The following INTS7 variants were observed in gnomAD, a reference collection of about 807,000 sequenced individuals.
INTS7 encodes the protein integrator complex subunit 7.
Under a neutral mutation model 109.2 loss-of-function variants are expected in INTS7, and 46 were observed. That is an observed-to-expected ratio of 0.42 (90% CI 0.33 to 0.54). INTS7 has a LOEUF of 0.54. Among genes scored for constraint, INTS7 ranks in the 20% least tolerant of loss-of-function variants. The pLI is 0.07. For missense variants in INTS7, 929 were observed against 1,132.4 expected, an observed-to-expected ratio of 0.82 and a Z score of 2.58; for synonymous variants, 412 against 402.9, an observed-to-expected ratio of 1.02 and a Z score of -0.27.
intron 16 of INTS7, among the ~76,000 whole-genome samples, chr1:211,955,710 A>C (rs1411559426): frequency 6.6e-6 from 1 of 152,216 alleles, no homozygotes; most frequent in East Asian, 1.9e-4. Flanking sequence ...TTTTACATAT[A>C]TTAGTTCATT....
Position 211,959,919 on chromosome 1 carries a change from A to T in INTS7, c.2183+6511T>A, listed in dbSNP as rs1405719295. Among the ~76,000 whole-genome samples the T allele has an allele frequency of 1.3e-5, 2 of 152,214 alleles. No homozygotes were observed. The highest frequency in any genetic ancestry group is 2.9e-5 in the Non-Finnish European group (2 of 68,040). ...TGTGAAGGCCCACACAAAGGCCGGCATCCCAGACCTGCTAGTATCCTGCCG... is the reference window on the plus strand; with the variant it reads ...TGTGAAGGCCCACACAAAGGCCGGCTTCCCAGACCTGCTAGTATCCTGCCG... On this transcript the variant is annotated intron_variant, in intron 16 of 19. Coordinates refer to ENST00000366994, the MANE Select transcript of INTS7 (RefSeq NM_015434.4). This position sits in a 1 kb window ranked among gnomAD's most constrained non-coding sequence, Gnocchi z 4.2.
chr1:211,960,225 T>C (rs1347952082), intron 16 of INTS7, among the ~76,000 whole-genome samples: 1 of 151,848 alleles, frequency 6.6e-6, no homozygotes, highest in Non-Finnish European at 1.5e-5. Flanking sequence ...CTTCTGGAAA[T>C]GAAGCCAGTT....
intron 13 of INTS7, among the ~76,000 whole-genome samples, chr1:211,973,285 A>G (rs1417128270): frequency 1.3e-5 from 2 of 152,246 alleles, no homozygotes; most frequent in East Asian, 3.8e-4. Context: ...CTGTGAAATA[A>G]TAAATAGGTA....
At chr1:211,971,558 T>C (rs1186593274) in intron 13 of INTS7, among the ~76,000 whole-genome samples, 2 of 152,138 alleles carry the variant, frequency 1.3e-5, no homozygotes, top group Admixed American at 6.5e-5. Flanking sequence ...CCTTTTTACA[T>C]AAAATTCAAA....
intron 12 of INTS7, among the ~76,000 whole-genome samples, chr1:211,975,638 C>T (rs1383704016): frequency 6.6e-6 from 1 of 152,152 alleles, no homozygotes; most frequent in Non-Finnish European, 1.5e-5. Context: ...CAACTATAAA[C>T]CAAGTCTAGA....
Position 212,020,136 on chromosome 1 carries a change from T to A in INTS7, c.357A>T (p.Arg119Ser). The stretch of plus-strand genomic sequence containing the variant: ...ACGGTATATACCGGAGGGTGATGGC[T>A]CTTGCCACAGGATCATTACTATGAA... The part of the protein sequence containing the change: ...SVIHSNDPVA[R>S]AITLRMLGSL... Residue 119 changes from arginine to serine, a missense_variant, in exon 3 of 20, where the codon AGA (arginine) becomes AGT (serine). Physicochemically the swap from Arg to Ser is moderately radical, Grantham distance 110. Transcript: ENST00000366994. 6.2e-7 allele frequency: 1 copy of A among 1,603,360 alleles called. No individual in the cohort carries two copies. The highest frequency in any genetic ancestry group is 8.5e-7 in the Non-Finnish European group (1 of 1,174,698).
chr1:211,978,186 A>C, intron 11 of INTS7, 86 bp downstream of exon 11: 1 of 1,473,664 alleles, frequency 6.8e-7, no homozygotes, highest in Non-Finnish European at 9.4e-7. Flanking sequence ...TTTTTAAGTA[A>C]AGTCAAATAG....
intron 16 of INTS7, among the ~76,000 whole-genome samples, chr1:211,961,931 A>C (rs539910176): frequency 2.8e-4 from 43 of 152,320 alleles, no homozygotes; most frequent in African/African-American, 9.6e-4. Context: ...AACATACTTA[A>C]GTACACAGAC....
intron 17 of INTS7, among the ~76,000 whole-genome samples, chr1:211,949,134 C>T (rs1558021237): frequency 6.6e-6 from 1 of 152,292 alleles, no homozygotes; most frequent in East Asian, 1.9e-4. Context: ...ATTTCTGATT[C>T]TTCCTTTTGC....
chr1:211,964,398 A>C (rs760779562), intron 16 of INTS7, among the ~76,000 whole-genome samples: 1 of 152,224 alleles, frequency 6.6e-6, no homozygotes, highest in Non-Finnish European at 1.5e-5. Flanking sequence ...ATACTGCCCA[A>C]AGCAACGTAT....
chr1:211,966,420 T>C lies in INTS7; in HGVS notation c.2183+10A>G, dbSNP rs535086954. ...TCTGTAACGCCAACTATTATTAATATTAGAATTACCTTGCTGATTCTGGAT... is the reference window on the plus strand; with the variant it reads ...TCTGTAACGCCAACTATTATTAATACTAGAATTACCTTGCTGATTCTGGAT... On this transcript the variant is annotated intron_variant, in intron 16 of 19. Transcript: ENST00000366994. 1.9e-4 allele frequency: 281 copies of C among 1,480,636 alleles called. 1 individual carries two copies. In the South Asian group the frequency reaches 2.9e-3, roughly 15 times the overall value. The allele number at this position is 1,480,636 out of a possible 1,614,324, so 91.7% of individuals were successfully genotyped here. A position where few individuals can be genotyped will look rare whatever the true frequency, so the allele number is the denominator to read the frequency against.
At chr1:212,002,558 G>C (rs1490282294) in intron 7 of INTS7, among the ~76,000 whole-genome samples, 3 of 152,172 alleles carry the variant, frequency 2.0e-5, no homozygotes, top group East Asian at 1.9e-4. Flanking sequence ...TCACACTCAT[G>C]AATGTTCTCA....
intron 10 of INTS7, among the ~76,000 whole-genome samples, chr1:211,979,983 T>C (rs1391134638): frequency 2.0e-5 from 3 of 152,196 alleles, no homozygotes; most frequent in Non-Finnish European, 4.4e-5. Flanking sequence ...CTATTCTAGA[T>C]GGGAAGCTCC....
intron 13 of INTS7, 66 bp from the exon 14 acceptor site, chr1:211,968,773 C>A: frequency 7.9e-7 from 1 of 1,272,360 alleles, no homozygotes. Flanking sequence ...GGGGCAGTAC[C>A]AAGTATTTAT....
chr1:211,986,466 T>C (rs1380437607), intron 8 of INTS7, among the ~76,000 whole-genome samples: 1 of 152,010 alleles, frequency 6.6e-6, no homozygotes. Flanking sequence ...CCTGCAAAAC[T>C]AATAGAAAAA....
Position 211,981,090 on chromosome 1 carries a change from C to T in INTS7, c.1230+3G>A, listed in dbSNP as rs1664642958. On this transcript the variant is annotated splice_donor_region_variant and intron_variant, in intron 10 of 19. Transcript: ENST00000366994. ...TTACAACTTAATAAATAAAAGTTTTCACCTTTAAAGTGGCCTGAGCACCTG... is the reference window on the plus strand; with the variant it reads ...TTACAACTTAATAAATAAAAGTTTTTACCTTTAAAGTGGCCTGAGCACCTG... The T allele has an allele frequency of 6.3e-7, 1 of 1,592,842 alleles. No individual in the cohort carries two copies. The highest frequency in any genetic ancestry group is 1.3e-5 in the African/African-American group (1 of 74,234).
chr1:211,984,354 G>GA (rs749070635), intron 8 of INTS7, among the ~76,000 whole-genome samples: 31 of 150,176 alleles, frequency 2.1e-4, no homozygotes, highest in Admixed American at 5.3e-4. Flanking sequence ...AGAAAACTCA[G>GA]AAAAAAAACC....
Position 211,968,611 on chromosome 1 carries a change from A to T in INTS7, c.1912T>A (p.Cys638Ser), listed in dbSNP as rs757187586. 5 of 1,614,030 alleles carry T rather than the reference A, an allele frequency of 3.1e-6. No homozygotes were observed. The highest frequency in any genetic ancestry group is 3.4e-6 in the Non-Finnish European group (4 of 1,179,958). The change falls in exon 14 of 20, where the codon TGT (cysteine) becomes AGT (serine). Residue 638 changes from cysteine (C) to serine (S), a missense_variant. By Grantham distance (112) the Cys-to-Ser change is moderately radical. Coordinates refer to ENST00000366994, the MANE Select transcript of INTS7 (RefSeq NM_015434.4). ...GGTGGGCTTGTCTTCAGGCTATTACAAGTACAGATAAGTTGAGAGAAGGCT... is the reference window on the plus strand; with the variant it reads ...GGTGGGCTTGTCTTCAGGCTATTACTAGTACAGATAAGTTGAGAGAAGGCT... ...LQAFSQLICT[C>S]NSLKTSPPPA...
chr1:212,010,897 C>A (rs1195429817), intron 5 of INTS7, among the ~76,000 whole-genome samples: 1 of 152,138 alleles, frequency 6.6e-6, no homozygotes, highest in Non-Finnish European at 1.5e-5. Flanking sequence ...ACAGGATCCC[C>A]ATTGTTAAGC....
Sources: gnomAD v4.1 joint callset for allele counts (sites outside exome capture counted in the v4.1 genomes callset) on GRCh38, gnomAD v4.1.1 for gene constraint, Gnocchi (gnomAD v3.1) non-coding constraint, MANE v1.5 for transcripts, NCBI Gene and HGNC (gene_info 2026-07-23, HGNC 2026-07-21) for gene names.